TXNDC5: variants seen among roughly 807,000 people sequenced by gnomAD.
The protein encoded by TXNDC5 is thioredoxin domain-containing protein 5.
A neutral mutation model predicts 52.6 loss-of-function variants in TXNDC5; 44 were observed. The observed-to-expected ratio is 0.84, with a 90% CI of 0.66 to 1.08. TXNDC5 has a LOEUF of 1.08. TXNDC5 is among the 50% of genes least tolerant of loss of function. TXNDC5 has a pLI of 0.00. For missense variants in TXNDC5, 600 were observed against 565.5 expected, an observed-to-expected ratio of 1.06 and a Z score of -0.62; for synonymous variants, 241 against 234.4, an observed-to-expected ratio of 1.03 and a Z score of -0.26.
chr6:7,904,691 C>G lies in TXNDC5; in HGVS notation c.296G>C (p.Trp99Ser). The G allele has an allele frequency of 6.2e-7, 1 of 1,614,206 alleles. No individual in the cohort carries two copies. Residue 99 changes from tryptophan (W) to serine (S), a missense_variant, in exon 2 of 10, where the codon TGG becomes TCG. Transcript: ENST00000379757. The part of the protein sequence containing the change: ...CGHCQRLQPT[W>S]NDLGDKYNSM... ...GTTGTATTTGTCTCCCAGGTCATTCCAAGTCGGCTGCAGCCGCTGGCAGTG... is the reference window on the plus strand; with the variant it reads ...GTTGTATTTGTCTCCCAGGTCATTCGAAGTCGGCTGCAGCCGCTGGCAGTG...
In TXNDC5 at chr6:7,910,540, C is replaced by T. The variant is rs779476093; in HGVS notation, c.237G>A (p.Ala79=). 1 of 1,457,066 alleles carries T rather than the reference C, an allele frequency of 6.9e-7. No individual in the cohort carries two copies. The highest frequency in any genetic ancestry group is 1.8e-4 in the Middle Eastern group (1 of 5,574). 90.3% of individuals were successfully genotyped at this position (1,457,066 alleles called of 1,614,324 possible). Residue 79 remains alanine (A), a synonymous_variant, in exon 1 of 10, where the codon GCG becomes GCA. Transcript: ENST00000379757. The part of the protein sequence containing the change: ...DMFTHGIQSA[A]HFVMFFAPWC... ...AGGGCGCGAAGAACATGACGAAGTG[C>T]GCGGCGCTCTGGATCCCGTGCGTGA...
chr6:7,892,718 T>C (rs553019225), intron 4 of TXNDC5, among the ~76,000 whole-genome samples: 21 of 152,368 alleles, frequency 1.4e-4, no homozygotes, highest in African/African-American at 4.8e-4. Context: ...CTGATATCCA[T>C]ATAAGATGTG....
chr6:7,894,930 C>T (rs1760314001), intron 4 of TXNDC5, 176 bp downstream of exon 4: 1 of 985,406 alleles, frequency 1.0e-6, no homozygotes, highest in South Asian at 4.7e-5. Flanking sequence ...AAAAGGAGAA[C>T]TCATGTTTTA....
chr6:7,888,946 C>T, intron 6 of TXNDC5, 98 bp from the exon 7 acceptor site: 1 of 1,464,890 alleles, frequency 6.8e-7, no homozygotes, highest in South Asian at 1.4e-5. Flanking sequence ...TCAGAGCTCC[C>T]AGATGTCTTA....
chr6:7,910,533 C>G lies in TXNDC5; in HGVS notation c.244G>C (p.Val82Leu). The G allele has an allele frequency of 6.9e-7, 1 of 1,455,086 alleles. No homozygotes were observed. Among genetic ancestry groups the G allele is most frequent in the Non-Finnish European group, 9.1e-7 (1 of 1,093,784 alleles). The allele number at this position is 1,455,086 out of a possible 1,614,324, so 90.1% of individuals were successfully genotyped here. A position where few individuals can be genotyped will look rare whatever the true frequency, so the allele number is the denominator to read the frequency against. The change falls in exon 1 of 10, where the codon GTC (valine) becomes CTC (leucine). Residue 82 changes from valine to leucine, a missense_variant. Coordinates refer to ENST00000379757, the MANE Select transcript of TXNDC5 (RefSeq NM_030810.5). ...THGIQSAAHFVMFFAPWCGHC... is the reference protein window; with the variant it reads ...THGIQSAAHFLMFFAPWCGHC... ...CGTTACCAGGGCGCGAAGAACATGA[C>G]GAAGTGCGCGGCGCTCTGGATCCCG...
chr6:7,895,441 G>A (rs1441119704), intron 3 of TXNDC5, among the ~76,000 whole-genome samples: 1 of 152,142 alleles, frequency 6.6e-6, no homozygotes, highest in Non-Finnish European at 1.5e-5. Context: ...AAAGCTCTAG[G>A]TCTGAGTCTC....
rs778704840 is a variant in TXNDC5, at chr6:7,883,135, A to G, written c.*9T>C. ...AGCTGGGCAGGAGAGGTGACCTCCA[A>G]CTGTGTTCCTAAAGTTCGTCTTTCG... is the stretch of plus-strand genomic sequence containing the variant. On this transcript the variant is annotated 3_prime_UTR_variant, in exon 10 of 10. Transcript: ENST00000379757. 3.3e-5 allele frequency: 53 copies of G among 1,613,966 alleles called. No homozygotes were observed. The highest frequency in any genetic ancestry group is 4.3e-5 in the Non-Finnish European group (51 of 1,179,994).
chr6:7,893,610 C>G (rs1760271690), intron 4 of TXNDC5, among the ~76,000 whole-genome samples: 1 of 152,212 alleles, frequency 6.6e-6, no homozygotes, highest in African/African-American at 2.4e-5. Flanking sequence ...GCTCAGAGCC[C>G]AAGACAATCC....
rs1453820464 is a variant in TXNDC5, at chr6:7,884,454, C to T, written c.1081G>A (p.Glu361Lys). ...GHCKTLAPTW[E>K]ELSKKEFPGL... ...GGGAATTCCTTTTTAGAGAGTTCCTCCCAAGTAGGAGCCAGAGTCTTACAA... is the reference window on the plus strand; with the variant it reads ...GGGAATTCCTTTTTAGAGAGTTCCTTCCAAGTAGGAGCCAGAGTCTTACAA... Residue 361 changes from glutamate (E) to lysine (K), a missense_variant, in exon 9 of 10, where the codon GAG (glutamate) becomes AAG (lysine). Glu to Lys is a moderately conservative substitution (Grantham distance 56). Coordinates refer to ENST00000379757, the MANE Select transcript of TXNDC5 (RefSeq NM_030810.5). 3 of 1,614,004 alleles carry T rather than the reference C, an allele frequency of 1.9e-6. No homozygotes were observed. Among genetic ancestry groups the T allele is most frequent in the East Asian group, 2.2e-5 (1 of 44,878 alleles).
intron 2 of TXNDC5, among the ~76,000 whole-genome samples, chr6:7,901,394 C>T (rs555993222): frequency 2.6e-5 from 4 of 152,302 alleles, no homozygotes; most frequent in East Asian, 3.9e-4. Flanking sequence ...GGACCAGGGA[C>T]GGTCACACTT....
In TXNDC5 at chr6:7,890,937, C is replaced by T. The variant is rs998122525; in HGVS notation, c.732+684G>A. On this transcript the variant is annotated intron_variant, in intron 5 of 9. Coordinates refer to ENST00000379757, the MANE Select transcript of TXNDC5 (RefSeq NM_030810.5). ...ATCTCACCATCCCAAGTAGATCATC[C>T]TGTTAACCATCATTCAGTCCTAGAC... is the stretch of plus-strand genomic sequence containing the variant. Among the ~76,000 whole-genome samples the T allele has an allele frequency of 4.6e-5, 7 of 152,288 alleles. No individual in the cohort carries two copies. The East Asian group carries it at 1.4e-3, about 29-fold the overall frequency.
In TXNDC5 at chr6:7,885,987, T is replaced by C. The variant is rs1361163470; in HGVS notation, c.1020A>G (p.Ile340Met). 2 of 1,614,184 alleles carry C rather than the reference T, an allele frequency of 1.2e-6. No homozygotes were observed. Among genetic ancestry groups the C allele is most frequent in the Non-Finnish European group, 1.7e-6 (2 of 1,180,028 alleles). The part of the protein sequence containing the change: ...NNFDDTIAEG[I>M]TFIKFYAPWC... The stretch of plus-strand genomic sequence containing the variant: ...ATGGAGCATAAAACTTGATGAAGGT[T>C]ATTCCTTCTGCAATGGTGTCATCGA... Residue 340 changes from isoleucine to methionine, a missense_variant, in exon 8 of 10, where the codon ATA (isoleucine) becomes ATG (methionine). By Grantham distance (10) the Ile-to-Met change is conservative. Transcript: ENST00000379757.
intron 7 of TXNDC5, 114 bp from the exon 8 acceptor site, chr6:7,886,157 G>A: frequency 1.2e-6 from 1 of 822,354 alleles, no homozygotes; most frequent in South Asian, 1.7e-5. Flanking sequence ...AGTTACGTAG[G>A]CTCCAAGGTC....
chr6:7,883,061 G>A lies in TXNDC5; in HGVS notation c.*83C>T, dbSNP rs1759823873. 1.3e-6 allele frequency: 2 copies of A among 1,590,932 alleles called. No individual in the cohort carries two copies. Among genetic ancestry groups the A allele is most frequent in the East Asian group, 4.5e-5 (2 of 44,422 alleles). On this transcript the variant is annotated 3_prime_UTR_variant, in exon 10 of 10. Transcript: ENST00000379757. Reference sequence around the variant, plus strand: ...TCTGCTTTCTGAACAGCCACCACTGGGAACCCAGTGGCCTCTGTGGGACTG... The same window carrying A: ...TCTGCTTTCTGAACAGCCACCACTGAGAACCCAGTGGCCTCTGTGGGACTG...
intron 8 of TXNDC5, 122 bp downstream of exon 8, chr6:7,885,839 G>A (rs934534916): frequency 1.9e-5 from 15 of 792,500 alleles, no homozygotes; most frequent in Non-Finnish European, 2.6e-5. Flanking sequence ...CCTACAACAT[G>A]ACCTACATAT....
At position 7,883,085 on chromosome 6, in the gene TXNDC5, TG is replaced by T; in HGVS notation, c.*58del. ...GGGAACCCAGTGGCCTCTGTGGGAC[TG>T]AACTCCTAAACGCAGGGTGCGGGAG... On this transcript the variant is annotated 3_prime_UTR_variant, in exon 10 of 10. Coordinates refer to ENST00000379757, the MANE Select transcript of TXNDC5 (RefSeq NM_030810.5). 6.2e-7 allele frequency: 1 copy of T among 1,609,956 alleles called. No individual in the cohort carries two copies. The highest frequency in any genetic ancestry group is 8.5e-7 in the Non-Finnish European group (1 of 1,177,304).
chr6:7,899,581 G>A lies in TXNDC5; in HGVS notation c.514C>T (p.Pro172Ser), dbSNP rs768441448. 1.4e-5 allele frequency: 22 copies of A among 1,612,340 alleles called. No homozygotes were observed. In the East Asian group the frequency reaches 4.2e-4, roughly 31 times the overall value. ...GGAAGGAGGTAGACACTCACCACTG[G>A]CTCCTCGTTCAGTGTCTGCAGCATC... Reference protein sequence around the residue: ...NWMLQTLNEEPVTPEPEVEPP... With the variant: ...NWMLQTLNEESVTPEPEVEPP... The change falls in exon 3 of 10, where the codon CCA (proline) becomes TCA (serine). Residue 172 changes from proline to serine, a missense_variant. Coordinates refer to ENST00000379757, the MANE Select transcript of TXNDC5 (RefSeq NM_030810.5).
At chr6:7,904,104 T>A (rs1169005328) in intron 2 of TXNDC5, among the ~76,000 whole-genome samples, 1 of 152,230 alleles carries the variant, frequency 6.6e-6, no homozygotes, top group Non-Finnish European at 1.5e-5. Context: ...ACATTTCAAT[T>A]TCTATTTCTT....
rs375337828 is a variant in TXNDC5, at chr6:7,895,210, G to A, written c.520-8C>T. The A allele has an allele frequency of 6.5e-5, 105 of 1,609,660 alleles. No homozygotes were observed. The African/African-American group carries it at 1.0e-3, about 16-fold the overall frequency. On this transcript the variant is annotated splice_polypyrimidine_tract_variant and splice_region_variant and intron_variant, in intron 3 of 9. Transcript: ENST00000379757. ...CACTTCCGGCTCTGGTGTCTAACAG[G>A]AGGAAATAAAACAGTCATGGGTGTG...
Sources: gnomAD v4.1 joint callset for allele counts (sites outside exome capture counted in the v4.1 genomes callset) on GRCh38, gnomAD v4.1.1 for gene constraint, MANE v1.5 for transcripts, NCBI Gene and HGNC (gene_info 2026-07-23, HGNC 2026-07-21) for gene names.